Variants in MEIS2 observed in about 807,000 individuals in gnomAD.
MEIS2 encodes homeobox protein Meis2.
In MEIS2, 9 loss-of-function variants were observed where a neutral mutation model predicts 58.6. That is an observed-to-expected ratio of 0.15 (90% confidence interval 0.09 to 0.27). MEIS2 has a LOEUF of 0.27. Ranked by LOEUF, MEIS2 falls within the 10% of genes least tolerant of loss-of-function variation. The pLI, the probability that MEIS2 is intolerant of heterozygous loss-of-function variation, is 1.00. For missense variants in MEIS2, 427 were observed against 635.0 expected, an observed-to-expected ratio of 0.67 and a Z score of 3.52; for synonymous variants, 221 against 228.4, an observed-to-expected ratio of 0.97 and a Z score of 0.29.
intron 9 of MEIS2, among the ~76,000 whole-genome samples, chr15:36,917,237 C>T (rs753315527): frequency 6.6e-6 from 1 of 152,080 alleles, no homozygotes; most frequent in East Asian, 1.9e-4. Context: ...TAAAATGGAG[C>T]CTTGGAAATT....
At chr15:37,058,237 G>A (rs977961947) in intron 7 of MEIS2, among the ~76,000 whole-genome samples, 1 of 152,142 alleles carries the variant, frequency 6.6e-6, no homozygotes, top group South Asian at 2.1e-4. Context: ...TCCAGCCCAC[G>A]AGCTGGTAGG....
intron 8 of MEIS2, among the ~76,000 whole-genome samples, chr15:37,027,194 T>C (rs1363144764): frequency 1.3e-5 from 2 of 152,322 alleles, no homozygotes; most frequent in East Asian, 3.9e-4. Flanking sequence ...TCTTTACACT[T>C]CATAATCTGT....
At chr15:36,948,520 G>A (rs1050093019) in intron 9 of MEIS2, among the ~76,000 whole-genome samples, 15 of 152,038 alleles carry the variant, frequency 9.9e-5, no homozygotes, top group African/African-American at 2.9e-4. Flanking sequence ...ATATCCATGC[G>A]GAAATTTTAT....
At chr15:37,081,753 T>G (rs546802544) in intron 7 of MEIS2, among the ~76,000 whole-genome samples, 1 of 152,218 alleles carries the variant, frequency 6.6e-6, no homozygotes, top group Non-Finnish European at 1.5e-5. Context: ...AGCTACCATG[T>G]CCATTCTTTA....
In MEIS2 at chr15:37,011,206, C is replaced by T. The variant is rs553362545; in HGVS notation, c.900+25608G>A. Among the ~76,000 whole-genome samples the T allele has an allele frequency of 7.9e-5, 12 of 152,278 alleles. No homozygotes were observed. The South Asian group carries it at 1.9e-3, about 24-fold the overall frequency. On this transcript the variant is annotated intron_variant, in intron 8 of 11. Transcript: ENST00000561208. ...AAAGCTCACTTACTAAATTTAGATA[C>T]GTAACTTTTCAAAGTAGTTATCTCT...
chr15:36,934,561 C>A (rs2058095650), intron 9 of MEIS2, among the ~76,000 whole-genome samples: 1 of 152,210 alleles, frequency 6.6e-6, no homozygotes, highest in African/African-American at 2.4e-5. Context: ...CAACGGGCAC[C>A]TTTCCACTTA....
intron 9 of MEIS2, among the ~76,000 whole-genome samples, chr15:36,909,226 C>T (rs534109738): frequency 1.1e-4 from 17 of 152,130 alleles, no homozygotes; most frequent in East Asian, 7.7e-4. Flanking sequence ...GAAGCACTTC[C>T]TCAGTGGCAC....
chr15:37,098,046 G>C lies in MEIS2; in HGVS notation c.166C>G (p.Pro56Ala). 2 of 1,613,486 alleles carry C rather than the reference G, an allele frequency of 1.2e-6. No homozygotes were observed. Among genetic ancestry groups the C allele is most frequent in the South Asian group, 1.1e-5 (1 of 90,980 alleles). Residue 56 changes from proline (P) to alanine (A), a missense_variant, in exon 2 of 12, where the codon CCG becomes GCG. This residue lies in a region of MEIS2 where 103 missense variants were observed against 111.8 expected (regional missense o/e 0.92). Transcript: ENST00000561208. ...CTGGCCGGCATGACATTGGGGTGCG[G>C]GGCGTGCGCGCCGTAGTGCTGTGTG... ...HATQHYGAHA[P>A]HPNVMPASMG...
chr15:36,919,561 G>A (rs574175620), intron 9 of MEIS2, among the ~76,000 whole-genome samples: 1 of 136,168 alleles, frequency 7.3e-6, no homozygotes, highest in South Asian at 2.6e-4. Context: ...TGGGCAACAA[G>A]AGTGAAACTC....
intron 7 of MEIS2, among the ~76,000 whole-genome samples, chr15:37,041,030 C>G (rs2062400135): frequency 6.6e-6 from 1 of 152,180 alleles, no homozygotes; most frequent in Admixed American, 6.5e-5. Flanking sequence ...ACTTTACTCC[C>G]ATGAATGAGG....
intron 8 of MEIS2, among the ~76,000 whole-genome samples, chr15:36,992,791 G>A (rs529017469): frequency 2.6e-4 from 40 of 151,798 alleles, no homozygotes; most frequent in Non-Finnish European, 4.4e-4. Flanking sequence ...TGAGGAAGAG[G>A]GGGAGAGAAG....
chr15:37,085,472 A>G lies in MEIS2; in HGVS notation c.640-1587T>C, dbSNP rs189332089. The stretch of plus-strand genomic sequence containing the variant: ...GGAAATGTTCTTATTTGGAACTACA[A>G]AACTTATTTTTCCCCCTACAGATCT... On this transcript the variant is annotated intron_variant, in intron 6 of 11. Coordinates refer to ENST00000561208, the MANE Select transcript of MEIS2 (RefSeq NM_170675.5). Among the ~76,000 whole-genome samples, 633 of 152,338 alleles carry G rather than the reference A, an allele frequency of 4.2e-3. 2 individuals carry two copies. The highest frequency in any genetic ancestry group is 6.2e-3 in the Non-Finnish European group (421 of 68,034).
chr15:37,073,397 C>T (rs1486911964), intron 7 of MEIS2, among the ~76,000 whole-genome samples: 1 of 152,006 alleles, frequency 6.6e-6, no homozygotes, highest in Non-Finnish European at 1.5e-5. Flanking sequence ...CCCCCACCAC[C>T]ACATACACAC....
chr15:37,080,423 T>C (rs1892044816), intron 7 of MEIS2, among the ~76,000 whole-genome samples: 1 of 152,168 alleles, frequency 6.6e-6, no homozygotes, highest in African/African-American at 2.4e-5. Flanking sequence ...TAATGGGAGC[T>C]ACACAAACCC....
intron 8 of MEIS2, among the ~76,000 whole-genome samples, chr15:36,995,969 A>ATATATATATATATATATATATATATATG (rs2060483366): frequency 3.4e-4 from 2 of 5,832 alleles, no homozygotes; most frequent in African/African-American, 1.1e-3. Context: ...ATATATATAT[A>ATATATATATATATATATATATATATATG]TATATATATA....
At chr15:37,029,999 ACAATCAAT>A (rs529276671) in intron 8 of MEIS2, among the ~76,000 whole-genome samples, 35 of 151,882 alleles carry the variant, frequency 2.3e-4, no homozygotes, top group African/African-American at 8.0e-4. Context: ...TGCCGTCTCT[ACAATCAAT>A]CAATCAATAA....
intron 8 of MEIS2, among the ~76,000 whole-genome samples, chr15:36,960,504 AAACAC>A (rs914976266): frequency 9.9e-5 from 15 of 152,006 alleles, no homozygotes; most frequent in African/African-American, 3.6e-4. Flanking sequence ...GAGGGCTAGG[AAACAC>A]AACCCCTTAA....
chr15:37,047,482 C>T (rs973073316), intron 7 of MEIS2, among the ~76,000 whole-genome samples: 3 of 152,126 alleles, frequency 2.0e-5, no homozygotes, highest in African/African-American at 7.2e-5. Flanking sequence ...CCAACCTGAT[C>T]AAGTTACCAA....
chr15:37,091,381 C>T (rs888850097), intron 6 of MEIS2, among the ~76,000 whole-genome samples: 9 of 152,102 alleles, frequency 5.9e-5, no homozygotes, highest in African/African-American at 1.9e-4. Flanking sequence ...ATTATTGCTT[C>T]CTTTCAAAAC....
Sources: allele counts gnomAD v4.1 joint callset (sites outside exome capture counted in the v4.1 genomes callset), GRCh38; gene constraint gnomAD v4.1.1; regional missense constraint gnomAD v4.1.1; transcripts MANE v1.5; gene names NCBI Gene and HGNC (gene_info 2026-07-23, HGNC 2026-07-21).